Variants in ACAP2 observed in about 807,000 individuals in gnomAD.
The protein encoded by ACAP2 is ArfGAP with coiled-coil, ankyrin repeat and PH domains 2.
A neutral mutation model predicts 115.8 loss-of-function variants in ACAP2; 39 were observed. The observed-to-expected ratio is 0.34, with a 90% CI of 0.26 to 0.44. The LOEUF is 0.44. ACAP2 is among the 20% of genes least tolerant of loss of function. ACAP2 has a pLI of 1.00. For missense variants in ACAP2, 662 were observed against 927.6 expected, an observed-to-expected ratio of 0.71 and a Z score of 3.72; for synonymous variants, 289 against 315.8, an observed-to-expected ratio of 0.92 and a Z score of 0.90.
intron 7 of ACAP2, chr3:195,335,870 C>A (rs1730466435): frequency 6.7e-6 from 1 of 148,584 alleles, no homozygotes; most frequent in Non-Finnish European, 1.5e-5. Context: ...CATACCACAT[C>A]ATGCCCTGCC....
intron 4 of ACAP2, among the ~76,000 whole-genome samples, chr3:195,352,904 A>C (rs1039104555): frequency 6.6e-6 from 1 of 152,028 alleles, no homozygotes; most frequent in Non-Finnish European, 1.5e-5. Context: ...AACATGGTGA[A>C]ACCCCAACTC....
intron 7 of ACAP2, among the ~76,000 whole-genome samples, chr3:195,334,221 TCA>T (rs1491178570): frequency 2.5e-5 from 3 of 119,406 alleles, no homozygotes; most frequent in Non-Finnish European, 5.0e-5. Context: ...AAAACTATTT[TCA>T]AAAAAAAAAA....
chr3:195,372,783 C>T (rs1733246210), intron 4 of ACAP2, among the ~76,000 whole-genome samples: 1 of 151,998 alleles, frequency 6.6e-6, no homozygotes, highest in Admixed American at 6.6e-5. Context: ...CACTGTACTC[C>T]AGCCTTAGTG....
At chr3:195,293,582 C>CTA (rs1327597878) in intron 18 of ACAP2, among the ~76,000 whole-genome samples, 1 of 152,226 alleles carries the variant, frequency 6.6e-6, no homozygotes, top group Non-Finnish European at 1.5e-5. Flanking sequence ...TGGCTGACGC[C>CTA]TATAATCCCA....
At chr3:195,342,126 T>C (rs534117794) in intron 6 of ACAP2, among the ~76,000 whole-genome samples, 2 of 152,314 alleles carry the variant, frequency 1.3e-5, no homozygotes, top group South Asian at 2.1e-4. Flanking sequence ...AACCCACTTG[T>C]ACCCCTAAAC....
At position 195,283,315 on chromosome 3, in the gene ACAP2, C is replaced by T. The variant is rs572121534; in HGVS notation, c.2236+2481G>A. On this transcript the variant is annotated intron_variant, in intron 22 of 22. Coordinates refer to ENST00000326793, the MANE Select transcript of ACAP2 (RefSeq NM_012287.6). ...AAGAAAACGTGTGCTCTCAATCACC[C>T]CACGCAAGAAACAGGGAGTCCCAGG... 5.3e-5 allele frequency among the ~76,000 whole-genome samples: 8 copies of T among 152,274 alleles called. No individual in the cohort carries two copies. The South Asian group carries it at 1.7e-3, about 32-fold the overall frequency.
At chr3:195,368,709 T>C (rs2108720645) in intron 4 of ACAP2, among the ~76,000 whole-genome samples, 1 of 152,354 alleles carries the variant, frequency 6.6e-6, no homozygotes, top group Admixed American at 6.5e-5. Context: ...TTATTTATCA[T>C]TGGCTTTTGG....
chr3:195,378,090 G>GGAGGAGGAAGGGAGGAAGCA (rs1553862133), intron 4 of ACAP2, among the ~76,000 whole-genome samples: 3,546 of 138,624 alleles, frequency 0.026, 140 homozygotes, highest in African/African-American at 0.096. Flanking sequence ...GAGGAAGGGA[G>GGAGGAGGAAGGGAGGAAGCA]GAGGAGGAAG....
In ACAP2 at chr3:195,297,274, C is replaced by T; in HGVS notation, c.1403G>A (p.Cys468Tyr). The T allele has an allele frequency of 6.2e-7, 1 of 1,610,896 alleles. No homozygotes were observed. The highest frequency in any genetic ancestry group is 1.3e-5 in the African/African-American group (1 of 74,738). ...TWEPELLKLM[C>Y]ELGNDVINRV... ...ATTTATAACATCATTCCCCAACTCA[C>T]ACATAAGCTGTTTGGCAAAAAAAAA... Residue 468 changes from cysteine to tyrosine, a missense_variant, in exon 16 of 23, where the codon TGT becomes TAT. Physicochemically the swap from Cys to Tyr is radical, Grantham distance 194. This residue lies in a region of ACAP2 where 401 missense variants were observed against 604.4 expected (regional missense o/e 0.66). Transcript: ENST00000326793.
chr3:195,292,142 G>A, intron 19 of ACAP2, 123 bp downstream of exon 19: 1 of 1,213,242 alleles, frequency 8.2e-7, no homozygotes, highest in South Asian at 1.9e-5. Context: ...ATAGCACAGA[G>A]GTTCCTTCTA....
intron 13 of ACAP2, among the ~76,000 whole-genome samples, chr3:195,303,628 A>G (rs1461062577): frequency 1.3e-5 from 2 of 148,554 alleles, no homozygotes; most frequent in African/African-American, 2.5e-5. Context: ...AATAAGCTAG[A>G]CATGGTGGTA....
At chr3:195,296,838 T>C (rs1000367200) in intron 16 of ACAP2, among the ~76,000 whole-genome samples, 1 of 152,204 alleles carries the variant, frequency 6.6e-6, no homozygotes, top group Admixed American at 6.5e-5. Flanking sequence ...TTATTCACTG[T>C]AGGTTAACAG....
intron 4 of ACAP2, chr3:195,356,178 C>A: frequency 2.2e-6 from 1 of 456,764 alleles, no homozygotes; most frequent in Admixed American, 2.3e-5. Flanking sequence ...GAGGAAGAAT[C>A]TGCGCTGCAC....
intron 2 of ACAP2, among the ~76,000 whole-genome samples, chr3:195,388,434 A>G (rs1329299583): frequency 6.6e-6 from 1 of 152,246 alleles, no homozygotes; most frequent in Non-Finnish European, 1.5e-5. Flanking sequence ...CCGTAGAGCA[A>G]TGCCACTCAT....
intron 7 of ACAP2, chr3:195,336,544 A>G (rs931722111): frequency 3.2e-5 from 5 of 157,090 alleles, no homozygotes; most frequent in Non-Finnish European, 7.0e-5. Context: ...CCTAAGTGTA[A>G]CAGTTTTTTA....
intron 1 of ACAP2, among the ~76,000 whole-genome samples, chr3:195,416,134 T>C (rs1253374948): frequency 2.6e-5 from 4 of 152,042 alleles, no homozygotes; most frequent in Non-Finnish European, 5.9e-5. Flanking sequence ...GATCATGAGG[T>C]AAGGAGTTCG....
rs150959757 is a variant in ACAP2 at position 195,276,656 on chromosome 3, A to G, written c.*2672T>C. On this transcript the variant is annotated 3_prime_UTR_variant, in exon 23 of 23. Coordinates refer to ENST00000326793, the MANE Select transcript of ACAP2 (RefSeq NM_012287.6). ...ACATTGACTAATGAAGCCCAAAAGC[A>G]TGATTAACTAAGATTTCTTATAATG... 9.8e-5 allele frequency: 15 copies of G among 152,396 alleles called. No homozygotes were observed. The East Asian group carries it at 2.7e-3, about 27-fold the overall frequency. 9.4% of individuals were successfully genotyped at this position (152,396 alleles called of 1,614,324 possible). A position where few individuals can be genotyped will look rare whatever the true frequency, so the allele number is the denominator to read the frequency against.
intron 1 of ACAP2, among the ~76,000 whole-genome samples, chr3:195,428,125 TAAC>T (rs968842364): frequency 1.3e-5 from 2 of 151,838 alleles, no homozygotes; most frequent in Non-Finnish European, 2.9e-5. Flanking sequence ...TATTATGTCA[TAAC>T]AACTTAATAG....
intron 1 of ACAP2, among the ~76,000 whole-genome samples, chr3:195,424,261 G>GTGTGTGTGTATA (rs1456909404): frequency 3.7e-5 from 2 of 54,656 alleles, no homozygotes; most frequent in African/African-American, 6.8e-5. Flanking sequence ...GTGTGTGTGT[G>GTGTGTGTGTATA]TATATATATA....
Sources: allele counts gnomAD v4.1 joint callset (sites outside exome capture counted in the v4.1 genomes callset), GRCh38; gene constraint gnomAD v4.1.1; regional missense constraint gnomAD v4.1.1; transcripts MANE v1.5; gene names NCBI Gene and HGNC (gene_info 2026-07-23, HGNC 2026-07-21).